KIAA1328: variants seen among roughly 807,000 people sequenced by gnomAD.
The protein encoded by KIAA1328 is protein hinderin.
KIAA1328 carries 52 observed loss-of-function variants against 68.1 expected under a neutral mutation model. That is an observed-to-expected ratio of 0.76 (90% confidence interval 0.61 to 0.96). KIAA1328 has a LOEUF of 0.96. Among genes scored for constraint, KIAA1328 ranks in the 40% least tolerant of loss-of-function variants. The pLI, the probability that KIAA1328 is intolerant of heterozygous loss-of-function variation, is 0.00. For missense variants in KIAA1328, 641 were observed against 677.6 expected, an observed-to-expected ratio of 0.95 and a Z score of 0.60; for synonymous variants, 232 against 239.4, an observed-to-expected ratio of 0.97 and a Z score of 0.28.
intron 7 of KIAA1328, among the ~76,000 whole-genome samples, chr18:37,124,831 C>T (rs2058354664): frequency 6.6e-6 from 1 of 152,148 alleles, no homozygotes; most frequent in African/African-American, 2.4e-5. Flanking sequence ...TGATCTATCC[C>T]TACATTCTTA....
intron 7 of KIAA1328, among the ~76,000 whole-genome samples, chr18:37,158,118 A>T (rs2059196294): frequency 6.6e-6 from 1 of 151,732 alleles, no homozygotes; most frequent in African/African-American, 2.4e-5. Context: ...CTATAAGCCC[A>T]AACTCCTGGG....
At chr18:37,184,965 C>A (rs2586782) in intron 9 of KIAA1328, among the ~76,000 whole-genome samples, 40,441 of 151,680 alleles carry the variant, frequency 0.27, 8,450 homozygotes, top group African/African-American at 0.59. Context: ...AGATCAAGAC[C>A]ATCCTGGCTA....
chr18:36,942,186 A>T (rs929969555), intron 5 of KIAA1328, among the ~76,000 whole-genome samples: 1 of 152,220 alleles, frequency 6.6e-6, no homozygotes, highest in African/African-American at 2.4e-5. Flanking sequence ...TAGCTGGAAG[A>T]TATTTAAGAT....
intron 9 of KIAA1328, among the ~76,000 whole-genome samples, chr18:37,208,616 G>T (rs138609806): frequency 7.4e-4 from 112 of 152,270 alleles, no homozygotes; most frequent in African/African-American, 2.2e-3. Flanking sequence ...TATAATGACA[G>T]ACTGGCCAAA....
At chr18:36,960,264 C>T (rs1231804604) in intron 6 of KIAA1328, among the ~76,000 whole-genome samples, 2 of 152,178 alleles carry the variant, frequency 1.3e-5, no homozygotes, top group South Asian at 2.1e-4. Flanking sequence ...GGAGGGGCGT[C>T]GACCATTGCT....
chr18:37,084,514 T>C (rs890393949), intron 7 of KIAA1328: 11 of 198,852 alleles, frequency 5.5e-5, no homozygotes, highest in African/African-American at 2.3e-4. Context: ...ATAGTCTATA[T>C]TGAGTATTAA....
At chr18:36,952,973 CAAAA>C (rs1038183218) in intron 5 of KIAA1328, among the ~76,000 whole-genome samples, 1 of 146,370 alleles carries the variant, frequency 6.8e-6, no homozygotes, top group African/African-American at 2.5e-5. Flanking sequence ...GAGAGAAACA[CAAAA>C]AAAGCAAACA....
intron 7 of KIAA1328, among the ~76,000 whole-genome samples, chr18:37,091,291 G>A (rs1245662288): frequency 6.6e-6 from 1 of 152,184 alleles, no homozygotes; most frequent in Non-Finnish European, 1.5e-5. Flanking sequence ...CTGAGGCACA[G>A]AAGGAGAGAG....
chr18:37,004,150 G>A (rs867172946), intron 6 of KIAA1328, among the ~76,000 whole-genome samples: 13 of 152,000 alleles, frequency 8.6e-5, no homozygotes, highest in African/African-American at 3.1e-4. Flanking sequence ...GATGGGAATT[G>A]CATTGAATTT....
intron 6 of KIAA1328, among the ~76,000 whole-genome samples, chr18:37,060,152 T>TATAATA (rs374541131): frequency 5.2e-4 from 78 of 151,160 alleles, no homozygotes; most frequent in African/African-American, 1.6e-3. Context: ...GAACTTAAAG[T>TATAATA]ATAATAATAA....
intron 7 of KIAA1328, among the ~76,000 whole-genome samples, chr18:37,101,004 C>T (rs922606142): frequency 6.6e-6 from 1 of 152,130 alleles, no homozygotes; most frequent in Non-Finnish European, 1.5e-5. Context: ...GACATCCACA[C>T]CAAAACCCCA....
At chr18:36,987,535 TAGC>T (rs1287891502) in intron 6 of KIAA1328, among the ~76,000 whole-genome samples, 1 of 151,714 alleles carries the variant, frequency 6.6e-6, no homozygotes, top group Non-Finnish European at 1.5e-5. Context: ...AATTTAGGCT[TAGC>T]AGACTATATA....
chr18:36,862,775 A>G (rs907513137), intron 4 of KIAA1328, among the ~76,000 whole-genome samples: 14 of 152,190 alleles, frequency 9.2e-5, no homozygotes, highest in African/African-American at 3.4e-4. Context: ...GCACCATTTT[A>G]CATTCCCAAC....
intron 4 of KIAA1328, among the ~76,000 whole-genome samples, chr18:36,860,985 A>T (rs997989689): frequency 6.6e-6 from 1 of 152,166 alleles, no homozygotes; most frequent in African/African-American, 2.4e-5. Context: ...CTGAATAATC[A>T]TGGTGAAATT....
At chr18:37,193,335 C>T (rs1463364791) in intron 9 of KIAA1328, among the ~76,000 whole-genome samples, 1 of 152,058 alleles carries the variant, frequency 6.6e-6, no homozygotes, top group African/African-American at 2.4e-5. Flanking sequence ...GTAGCATATA[C>T]ATAAACCATA....
At chr18:36,992,367 C>G (rs2053213666) in intron 6 of KIAA1328, among the ~76,000 whole-genome samples, 1 of 150,944 alleles carries the variant, frequency 6.6e-6, no homozygotes, top group South Asian at 2.1e-4. Context: ...ATAGTTCTAT[C>G]TTTTACATGT....
At chr18:37,117,822 C>A (rs2058156672) in intron 7 of KIAA1328, among the ~76,000 whole-genome samples, 1 of 151,124 alleles carries the variant, frequency 6.6e-6, no homozygotes, top group East Asian at 1.9e-4. Flanking sequence ...TTTAATGCAT[C>A]TCACGTTAGA....
chr18:36,928,176 G>C (rs1055148248), intron 5 of KIAA1328, among the ~76,000 whole-genome samples: 2 of 152,168 alleles, frequency 1.3e-5, no homozygotes, highest in Non-Finnish European at 2.9e-5. Flanking sequence ...GGCAGAATGT[G>C]TATGTGAGTA....
At chr18:37,148,591 G>T (rs1476957223) in intron 7 of KIAA1328, among the ~76,000 whole-genome samples, 1 of 152,180 alleles carries the variant, frequency 6.6e-6, no homozygotes, top group Non-Finnish European at 1.5e-5. Context: ...CACCAATAAT[G>T]TAAAAGCGTT....
Sources: gnomAD v4.1 joint callset for allele counts (sites outside exome capture counted in the v4.1 genomes callset) on GRCh38, gnomAD v4.1.1 for gene constraint, MANE v1.5 for transcripts, NCBI Gene and HGNC (gene_info 2026-07-23, HGNC 2026-07-21) for gene names.